RPS6KA5: variants seen among roughly 807,000 people sequenced by gnomAD.
RPS6KA5 encodes the protein ribosomal protein S6 kinase alpha-5.
A neutral mutation model predicts 85.5 loss-of-function variants in RPS6KA5; 27 were observed. The ratio of observed to expected loss-of-function variants is 0.32; its 90% CI spans 0.23 to 0.44. RPS6KA5 has a LOEUF of 0.44. RPS6KA5 is among the 20% of genes least tolerant of loss of function. The pLI is 1.00. For synonymous variants in RPS6KA5, 334 were observed against 348.2 expected (o/e 0.96, Z 0.46); for missense variants, 811 against 980.9 (o/e 0.83, Z 2.31).
At chr14:91,014,756 A>T (rs1432738108) in intron 1 of RPS6KA5, among the ~76,000 whole-genome samples, 1 of 152,148 alleles carries the variant, frequency 6.6e-6, no homozygotes, top group Non-Finnish European at 1.5e-5. Context: ...TTATTTTTAT[A>T]AAAAACATGT....
intron 3 of RPS6KA5, among the ~76,000 whole-genome samples, chr14:90,972,616 T>C (rs2039374277): frequency 1.3e-5 from 2 of 152,186 alleles, no homozygotes; most frequent in South Asian, 4.1e-4. Context: ...AAGTTCTCTA[T>C]GCAAAAAATA....
chr14:91,059,556 C>T (rs2043528851), intron 1 of RPS6KA5, among the ~76,000 whole-genome samples: 1 of 152,150 alleles, frequency 6.6e-6, no homozygotes, highest in African/African-American at 2.4e-5. Context: ...AATGAACAAC[C>T]TGAACCTACA....
At chr14:91,031,826 T>C (rs574276788) in intron 1 of RPS6KA5, among the ~76,000 whole-genome samples, 2 of 152,152 alleles carry the variant, frequency 1.3e-5, no homozygotes, top group Non-Finnish European at 2.9e-5. Flanking sequence ...CTTCATTAAG[T>C]AGACAGGCAG....
intron 1 of RPS6KA5, among the ~76,000 whole-genome samples, chr14:91,056,061 G>A (rs955154699): frequency 3.0e-4 from 45 of 151,882 alleles, no homozygotes; most frequent in Admixed American, 7.2e-4. Context: ...AATTCACTTA[G>A]GATTAAAAAA....
chr14:91,033,206 A>G (rs112243511), intron 1 of RPS6KA5, among the ~76,000 whole-genome samples: 3,311 of 151,742 alleles, frequency 0.022, 44 homozygotes, highest in Non-Finnish European at 0.031. Flanking sequence ...AAAAAAGAAA[A>G]AAGAAAAATG....
At chr14:90,898,083 C>T (rs116644508) in intron 12 of RPS6KA5, among the ~76,000 whole-genome samples, 124 of 152,184 alleles carry the variant, frequency 8.1e-4, no homozygotes, top group African/African-American at 2.8e-3. Context: ...ATGCTTACTG[C>T]CAGATGTGAT....
rs2040784936 is a variant in RPS6KA5, at chr14:91,001,304, T to C, written c.104-145A>G. 10 of 567,416 alleles carry C rather than the reference T, an allele frequency of 1.8e-5. 1 individual carries two copies. Among genetic ancestry groups the C allele is most frequent in the Middle Eastern group, 2.7e-4 (1 of 3,686 alleles). 35.1% of individuals were successfully genotyped at this position (567,416 alleles called of 1,614,324 possible). ...CTTTATAATTATTTGTTAAACAGTA[T>C]AGCATATTTTGCATAAATTTCTGTA... On this transcript the variant is annotated intron_variant, in intron 1 of 16. Coordinates refer to ENST00000614987, the MANE Select transcript of RPS6KA5 (RefSeq NM_004755.4).
Position 90,987,090 on chromosome 14 carries a change from C to G in RPS6KA5, c.176-8566G>C, listed in dbSNP as rs540346803. Among the ~76,000 whole-genome samples, 40 of 152,306 alleles carry G rather than the reference C, an allele frequency of 2.6e-4. No individual in the cohort carries two copies. The South Asian group carries it at 8.3e-3, about 32-fold the overall frequency. On this transcript the variant is annotated intron_variant, in intron 2 of 16. Transcript: ENST00000614987. The stretch of plus-strand genomic sequence containing the variant: ...ATCTTTTTATTATGGCATAAAACAT[C>G]ACAAACATTTAACCTCTAAGACTTA...
At chr14:90,886,645 C>G (rs1390861495) in intron 14 of RPS6KA5, among the ~76,000 whole-genome samples, 1 of 152,198 alleles carries the variant, frequency 6.6e-6, no homozygotes, top group Non-Finnish European at 1.5e-5. Flanking sequence ...AGAGAGGGCC[C>G]TCACCACACA....
intron 5 of RPS6KA5, among the ~76,000 whole-genome samples, chr14:90,927,887 C>T (rs939190375): frequency 1.5e-4 from 22 of 151,412 alleles, no homozygotes; most frequent in African/African-American, 5.3e-4. Context: ...AGAGAATACA[C>T]ACATAGTCTT....
At position 91,035,213 on chromosome 14, in the gene RPS6KA5, A is replaced by C. The variant is rs75174449; in HGVS notation, c.103+25119T>G. ...ATCTCCCCACTCACCCTTAAAAAAA[A>C]AAAAAGACCATAAAACCAACAAGTA... On this transcript the variant is annotated intron_variant, in intron 1 of 16. Coordinates refer to ENST00000614987, the MANE Select transcript of RPS6KA5 (RefSeq NM_004755.4). Among the ~76,000 whole-genome samples, 900 of 152,232 alleles carry C rather than the reference A, an allele frequency of 5.9e-3. 4 individuals carry two copies. The highest frequency in any genetic ancestry group is 0.014 in the Admixed American group (209 of 15,286).
intron 5 of RPS6KA5, among the ~76,000 whole-genome samples, chr14:90,925,941 C>CAAAAAAAAAAA (rs71117389): frequency 8.3e-4 from 61 of 73,394 alleles, no homozygotes; most frequent in Admixed American, 1.3e-3. Context: ...GACCCTGACT[C>CAAAAAAAAAAA]AAAAAAAAAA....
At chr14:90,921,918 T>A (rs2036419335) in intron 6 of RPS6KA5, among the ~76,000 whole-genome samples, 2 of 152,156 alleles carry the variant, frequency 1.3e-5, no homozygotes, top group Admixed American at 1.3e-4. Flanking sequence ...TGAACAAATT[T>A]TGTACCCTTT....
chr14:90,942,242 A>G (rs1312925259), intron 5 of RPS6KA5, among the ~76,000 whole-genome samples: 1 of 152,196 alleles, frequency 6.6e-6, no homozygotes, highest in Non-Finnish European at 1.5e-5. Flanking sequence ...CCAAAAACCA[A>G]TCAGAAATAG....
intron 9 of RPS6KA5, 34 bp from the exon 10 acceptor site, chr14:90,900,770 A>T: frequency 6.4e-7 from 1 of 1,573,846 alleles, no homozygotes; most frequent in Non-Finnish European, 8.6e-7. Flanking sequence ...AAAGAAAAAC[A>T]ACTTGCAGTT....
intron 7 of RPS6KA5, among the ~76,000 whole-genome samples, chr14:90,910,602 C>CA (rs200955169): frequency 1.2e-4 from 18 of 145,676 alleles, no homozygotes; most frequent in South Asian, 1.1e-3. Flanking sequence ...AGACCTGTCT[C>CA]AAAAAAAAAA....
At chr14:90,931,518 GT>G (rs1473727135) in intron 5 of RPS6KA5, among the ~76,000 whole-genome samples, 2 of 151,628 alleles carry the variant, frequency 1.3e-5, no homozygotes, top group Admixed American at 6.6e-5. Context: ...TTTGTTTTGT[GT>G]TTTTTTAACC....
At chr14:90,937,525 G>T (rs1479074155) in intron 5 of RPS6KA5, among the ~76,000 whole-genome samples, 1 of 152,164 alleles carries the variant, frequency 6.6e-6, no homozygotes. Flanking sequence ...AGGTTAAAGA[G>T]AAGAGAAGGC....
At chr14:90,925,958 A>AAAAAG (rs1566748750) in intron 5 of RPS6KA5, among the ~76,000 whole-genome samples, 25 of 149,648 alleles carry the variant, frequency 1.7e-4, no homozygotes, top group African/African-American at 6.0e-4. Context: ...AAAAAAAAAA[A>AAAAAG]AAAAGAAAAG....
Sources: gnomAD v4.1 joint callset for allele counts (sites outside exome capture counted in the v4.1 genomes callset) on GRCh38, gnomAD v4.1.1 for gene constraint, MANE v1.5 for transcripts, NCBI Gene and HGNC (gene_info 2026-07-23, HGNC 2026-07-21) for gene names.